LRPPRC: variants seen among roughly 807,000 people sequenced by gnomAD.
The protein encoded by LRPPRC is leucine-rich PPR motif-containing protein, mitochondrial.
Under a neutral mutation model 180.3 loss-of-function variants are expected in LRPPRC, and 120 were observed. That is an observed-to-expected ratio of 0.67 (90% CI 0.57 to 0.77). The LOEUF (loss-of-function observed/expected upper bound fraction) is 0.77. LRPPRC is among the 30% of genes least tolerant of loss of function. LRPPRC has a pLI of 0.00. For missense variants in LRPPRC, 2,012 were observed against 1,657.2 expected (o/e 1.21, Z -3.72); for synonymous variants, 723 against 600.0 (o/e 1.21, Z -3.00).
At position 43,950,599 on chromosome 2, in the gene LRPPRC, A is replaced by G; in HGVS notation, c.1651T>C (p.Ser551Pro). 1.2e-6 allele frequency: 2 copies of G among 1,613,356 alleles called. No homozygotes were observed. The highest frequency in any genetic ancestry group is 2.7e-5 in the African/African-American group (2 of 75,002). ...RSSLLLGFRRSMNINLWSEIT... is the reference protein window; with the variant it reads ...RSSLLLGFRRPMNINLWSEIT... ...TCGCTCCAAAGATTTATATTCATAGACCTGCAGAGGGCAGCAAAGGATCGA... is the reference window on the plus strand; with the variant it reads ...TCGCTCCAAAGATTTATATTCATAGGCCTGCAGAGGGCAGCAAAGGATCGA... Residue 551 changes from serine (S) to proline (P), a missense_variant and splice_region_variant, in exon 15 of 38, where the codon TCT becomes CCT. Coordinates refer to ENST00000260665, the MANE Select transcript of LRPPRC (RefSeq NM_133259.4).
At chr2:43,894,123 G>A (rs1670596181) in intron 36 of LRPPRC, among the ~76,000 whole-genome samples, 1 of 152,004 alleles carries the variant, frequency 6.6e-6, no homozygotes, top group East Asian at 1.9e-4. Flanking sequence ...GGAGTAGCAG[G>A]CAAGCAGAGA....
intron 25 of LRPPRC, among the ~76,000 whole-genome samples, chr2:43,929,819 T>G (rs1231575971): frequency 6.6e-6 from 1 of 152,088 alleles, no homozygotes; most frequent in Non-Finnish European, 1.5e-5. Flanking sequence ...CAAGTCCAAT[T>G]AACAAACTAT....
intron 1 of LRPPRC, among the ~76,000 whole-genome samples, chr2:43,987,530 A>C (rs1454583197): frequency 1.3e-5 from 2 of 151,464 alleles, no homozygotes; most frequent in Non-Finnish European, 2.9e-5. Flanking sequence ...TTCCCTTCAA[A>C]TTTCTCCACT....
intron 27 of LRPPRC, among the ~76,000 whole-genome samples, chr2:43,922,166 G>C (rs964712120): frequency 2.0e-5 from 3 of 152,142 alleles, no homozygotes; most frequent in Non-Finnish European, 4.4e-5. Flanking sequence ...AATGAAGTTT[G>C]AATTAGGACA....
intron 29 of LRPPRC, among the ~76,000 whole-genome samples, chr2:43,917,003 C>T (rs1301527607): frequency 6.8e-6 from 1 of 147,756 alleles, no homozygotes; most frequent in Non-Finnish European, 1.5e-5. Flanking sequence ...TCCATATACC[C>T]ATCACTTATA....
chr2:43,975,426 T>C, intron 6 of LRPPRC, among the ~76,000 whole-genome samples: 1 of 152,250 alleles, frequency 6.6e-6, no homozygotes, highest in East Asian at 1.9e-4. Flanking sequence ...AAAATAATAA[T>C]AATTACATAG....
chr2:43,990,530 A>T (rs182324129), intron 1 of LRPPRC, among the ~76,000 whole-genome samples: 46 of 152,288 alleles, frequency 3.0e-4, no homozygotes, highest in Admixed American at 1.2e-3. Context: ...TAGCCTCAAG[A>T]AATCAACTTC....
At chr2:43,897,387 C>T (rs1670722365) in intron 34 of LRPPRC, among the ~76,000 whole-genome samples, 2 of 152,126 alleles carry the variant, frequency 1.3e-5, no homozygotes, top group Admixed American at 1.3e-4. Context: ...ACACTCATCA[C>T]AGATGTCATT....
rs1672759949 is a variant in LRPPRC at position 43,948,135 on chromosome 2, G to A, written c.1907C>T (p.Pro636Leu). 8 of 1,597,440 alleles carry A rather than the reference G, an allele frequency of 5.0e-6. No individual in the cohort carries two copies. The highest frequency in any genetic ancestry group is 6.9e-6 in the Non-Finnish European group (8 of 1,165,214). ...TTTCACACACACCTTAATCAATTCA[G>A]GAACATGGTAGCTTTCCAGGAGATT... ...IRNLLESYHV[P>L]ELIKDAHLLV... Residue 636 changes from proline to leucine, a missense_variant, in exon 18 of 38, where the codon CCT (proline) becomes CTT (leucine). Coordinates refer to ENST00000260665, the MANE Select transcript of LRPPRC (RefSeq NM_133259.4).
At chr2:43,971,654 T>A (rs1375184464) in intron 11 of LRPPRC, among the ~76,000 whole-genome samples, 1 of 151,942 alleles carries the variant, frequency 6.6e-6, no homozygotes, top group Non-Finnish European at 1.5e-5. Context: ...ACACAGCACA[T>A]CCTCCATCAC....
Position 43,974,312 on chromosome 2 carries a change from G to C in LRPPRC, c.1010-17C>G. ...TCATTGCATCTGGGAAGAAAACAAA[G>C]ACATCTTTTGTTAATAAACTGAACA... On this transcript the variant is annotated splice_polypyrimidine_tract_variant and intron_variant, in intron 8 of 37. Transcript: ENST00000260665. 6.3e-7 allele frequency: 1 copy of C among 1,588,044 alleles called. No individual in the cohort carries two copies. Among genetic ancestry groups the C allele is most frequent in the Non-Finnish European group, 8.6e-7 (1 of 1,156,308 alleles).
rs1672192397 is a variant in LRPPRC at position 43,934,277 on chromosome 2, T to C, written c.2649A>G (p.Gln883=). 6.2e-7 allele frequency: 1 copy of C among 1,606,766 alleles called. No individual in the cohort carries two copies. Among genetic ancestry groups the C allele is most frequent in the African/African-American group, 1.3e-5 (1 of 74,732 alleles). Reference sequence around the variant, plus strand: ...AGAGCATCACCATTTCACCTTGTTCTTGGCTCACAAAGTCCATTGCTAGGT... The same window carrying C: ...AGAGCATCACCATTTCACCTTGTTCCTGGCTCACAAAGTCCATTGCTAGGT... ...LIQKAMDFVS[Q]EQGEMVMLYD... is the part of the protein sequence containing the mutation. Residue 883 remains glutamine, a synonymous_variant, in exon 25 of 38, where the codon CAA becomes CAG. Coordinates refer to ENST00000260665, the MANE Select transcript of LRPPRC (RefSeq NM_133259.4).
intron 13 of LRPPRC, among the ~76,000 whole-genome samples, chr2:43,958,281 G>A (rs1673204329): frequency 3.3e-5 from 5 of 152,300 alleles, no homozygotes; most frequent in African/African-American, 2.4e-5. Context: ...TAAATGTAAT[G>A]TGGCTACTGA....
chr2:43,896,362 T>C (rs1344619627), intron 35 of LRPPRC: 2 of 342,662 alleles, frequency 5.8e-6, no homozygotes, highest in Admixed American at 8.6e-5. Context: ...TGAGCCACCA[T>C]GCCCAGCCTA....
Position 43,912,576 on chromosome 2 carries a change from CA to C in LRPPRC, c.3149-19del, listed in dbSNP as rs749296016. 81 of 1,593,876 alleles carry C rather than the reference CA, an allele frequency of 5.1e-5. No homozygotes were observed. Among genetic ancestry groups the C allele is most frequent in the Non-Finnish European group, 5.7e-5 (66 of 1,165,462 alleles). ...ATATGCCCCTATGAGAGAAAACAGA[CA>C]AAAAAAATGAGATGACATTATTCTG... On this transcript the variant is annotated intron_variant, in intron 29 of 37. Transcript: ENST00000260665.
intron 36 of LRPPRC, among the ~76,000 whole-genome samples, chr2:43,893,595 A>C (rs1670574421): frequency 6.6e-6 from 1 of 152,212 alleles, no homozygotes; most frequent in Non-Finnish European, 1.5e-5. Context: ...ATGCTATTGC[A>C]CACTTAATAC....
intron 23 of LRPPRC, among the ~76,000 whole-genome samples, chr2:43,938,055 C>G (rs1324111403): frequency 6.6e-6 from 1 of 152,110 alleles, no homozygotes; most frequent in African/African-American, 2.4e-5. Context: ...ATGCTTGTAT[C>G]AGCATATATG....
intron 11 of LRPPRC, among the ~76,000 whole-genome samples, chr2:43,967,002 G>C (rs998675739): frequency 2.6e-5 from 4 of 152,094 alleles, no homozygotes; most frequent in African/African-American, 9.7e-5. Context: ...AGTGAGCTGA[G>C]ATCACCCCAC....
In LRPPRC at chr2:43,976,061, C is replaced by T. The variant is rs1674040319; in HGVS notation, c.737+82G>A. The T allele has an allele frequency of 3.7e-6, 3 of 801,154 alleles. No homozygotes were observed. In the East Asian group the frequency reaches 7.4e-5, roughly 20 times the overall value. 49.6% of individuals were successfully genotyped at this position (801,154 alleles called of 1,614,324 possible). A position where few individuals can be genotyped will look rare whatever the true frequency, so the allele number is the denominator to read the frequency against. ...TTTCTCTAATTTAAACCCCACTTAACAAACAAAAAAGGAGTAAAATGACCA... is the reference window on the plus strand; with the variant it reads ...TTTCTCTAATTTAAACCCCACTTAATAAACAAAAAAGGAGTAAAATGACCA... On this transcript the variant is annotated intron_variant, in intron 6 of 37. Transcript: ENST00000260665.
Sources: gnomAD v4.1 joint callset for allele counts (sites outside exome capture counted in the v4.1 genomes callset) on GRCh38, gnomAD v4.1.1 for gene constraint, MANE v1.5 for transcripts, NCBI Gene and HGNC (gene_info 2026-07-23, HGNC 2026-07-21) for gene names.